The following CLCC1 variants were observed in gnomAD, a reference collection of about 807,000 sequenced individuals.
CLCC1 encodes chloride channel CLIC-like protein 1.
A neutral mutation model predicts 63.3 loss-of-function variants in CLCC1; 39 were observed. The observed-to-expected ratio is 0.62, with a 90% confidence interval of 0.48 to 0.81. CLCC1 has a LOEUF of 0.81. CLCC1 is among the 30% of genes least tolerant of loss of function. CLCC1 has a pLI of 0.00. For synonymous variants in CLCC1, 217 were observed against 239.8 expected (o/e 0.90, Z 0.88); for missense variants, 549 against 669.4 (o/e 0.82, Z 1.98).
intron 2 of CLCC1, among the ~76,000 whole-genome samples, chr1:108,951,941 A>C (rs1162647408): frequency 6.6e-6 from 1 of 151,246 alleles, no homozygotes; most frequent in Non-Finnish European, 1.5e-5. Context: ...TAATTTTTTA[A>C]AATTAATTAA....
In CLCC1 at chr1:108,955,312, A is replaced by C. The variant is rs1655744913; in HGVS notation, c.-11-4864T>G. On this transcript the variant is annotated intron_variant, in intron 2 of 12. Transcript: ENST00000369969. ...TAAGAAGATAAAGCAAGACAGTGGT[A>C]CATATGGATTAGGCGATGCTGGGTA... Among the ~76,000 whole-genome samples, 2 of 151,588 alleles carry C rather than the reference A, an allele frequency of 1.3e-5. 1 individual carries two copies. Among genetic ancestry groups the C allele is most frequent in the African/African-American group, 4.9e-5 (2 of 40,826 alleles).
intron 10 of CLCC1, 129 bp from the exon 11 acceptor site, chr1:108,937,547 A>G (rs568264564): frequency 1.2e-6 from 1 of 802,856 alleles, no homozygotes; most frequent in South Asian, 2.3e-5. Flanking sequence ...AGACATAAAC[A>G]TGTTAATTTG....
At chr1:108,954,036 G>A (rs969426775) in intron 2 of CLCC1, among the ~76,000 whole-genome samples, 6 of 145,320 alleles carry the variant, frequency 4.1e-5, no homozygotes, top group East Asian at 2.0e-4. Context: ...AAACACATCC[G>A]ACTGGAGAAA....
chr1:108,949,033 CT>C (rs1654878788), intron 4 of CLCC1, among the ~76,000 whole-genome samples: 1 of 152,216 alleles, frequency 6.6e-6, no homozygotes, highest in Non-Finnish European at 1.5e-5. Context: ...CTCATTCACT[CT>C]AGCTCTTCCC....
chr1:108,934,655 T>C lies in CLCC1; in HGVS notation c.*15A>G. ...TCGAAGGAGACTTGAGGCTGTCGTT[T>C]GTGCTGGTGTTCCTCTAGCCACAGG... On this transcript the variant is annotated 3_prime_UTR_variant, in exon 12 of 13. Coordinates refer to ENST00000369969, the MANE Select transcript of CLCC1 (RefSeq NM_001377458.1). 6.2e-7 allele frequency: 1 copy of C among 1,607,228 alleles called. No homozygotes were observed. The highest frequency in any genetic ancestry group is 8.5e-7 in the Non-Finnish European group (1 of 1,176,024).
chr1:108,950,402 CA>C lies in CLCC1; in HGVS notation c.35del (p.Leu12CysfsTer3), dbSNP rs756116512. 4.1e-5 allele frequency: 66 copies of C among 1,610,852 alleles called. No individual in the cohort carries two copies. The highest frequency in any genetic ancestry group is 4.4e-5 in the Non-Finnish European group (52 of 1,178,126). On this transcript the variant is annotated frameshift_variant, in exon 3 of 13. Coordinates refer to ENST00000369969, the MANE Select transcript of CLCC1 (RefSeq NM_001377458.1). LOFTEE classifies it high-confidence loss of function. ...LCSLLLCECL[L>X]LVAGYAHDDD... ...CATCATGAGCATAACCAGCTACCAG[CA>C]ACAGACATTCACAAAGGAGCAAAGA...
chr1:108,936,189 A>G (rs1652963441), intron 11 of CLCC1, among the ~76,000 whole-genome samples: 1 of 150,302 alleles, frequency 6.7e-6, no homozygotes, highest in African/African-American at 2.5e-5. Flanking sequence ...GCCCCCTGGA[A>G]TCAAGCAATT....
chr1:108,940,019 T>G, intron 9 of CLCC1, 26 bp downstream of exon 9: 1 of 1,531,228 alleles, frequency 6.5e-7, no homozygotes, highest in Non-Finnish European at 8.9e-7. Context: ...TGACTTTAAG[T>G]AATTTTTACA....
At chr1:108,934,046 C>G (rs1350958136) in intron 12 of CLCC1, 3 of 152,220 alleles carry the variant, frequency 2.0e-5, no homozygotes, top group African/African-American at 7.2e-5. Flanking sequence ...ATATAACAAG[C>G]TATGTTATCT....
At chr1:108,955,307 G>A (rs891992796) in intron 2 of CLCC1, among the ~76,000 whole-genome samples, 7 of 151,560 alleles carry the variant, frequency 4.6e-5, no homozygotes, top group Non-Finnish European at 1.5e-5. Context: ...AAGCAAGACA[G>A]TGGTACATAT....
chr1:108,952,755 G>A (rs1458718438), intron 2 of CLCC1, among the ~76,000 whole-genome samples: 3 of 151,090 alleles, frequency 2.0e-5, no homozygotes, highest in East Asian at 2.0e-4. Context: ...AGCTGAGATC[G>A]CGCCACTGCA....
intron 7 of CLCC1, among the ~76,000 whole-genome samples, chr1:108,942,184 G>C (rs1653942444): frequency 6.6e-6 from 1 of 152,162 alleles, no homozygotes; most frequent in Admixed American, 6.6e-5. Flanking sequence ...GTTGCATTGA[G>C]CCGAGATTTC....
At chr1:108,949,433 T>A (rs1654922495) in intron 4 of CLCC1, among the ~76,000 whole-genome samples, 1 of 152,226 alleles carries the variant, frequency 6.6e-6, no homozygotes, top group Non-Finnish European at 1.5e-5. Flanking sequence ...TAAGAGTAAC[T>A]CTTATTCGTA....
At chr1:108,954,935 A>C (rs1655687707) in intron 2 of CLCC1, among the ~76,000 whole-genome samples, 1 of 150,592 alleles carries the variant, frequency 6.6e-6, no homozygotes, top group Admixed American at 6.6e-5. Context: ...TGGGTTCAAA[A>C]ATTCTCCTGC....
chr1:108,935,075 G>A (rs1019736362), intron 11 of CLCC1, 133 bp from the exon 12 acceptor site: 5 of 814,366 alleles, frequency 6.1e-6, no homozygotes, highest in African/African-American at 5.2e-5. Context: ...GTCCAGTGCT[G>A]GGTTATAATT....
intron 11 of CLCC1, among the ~76,000 whole-genome samples, chr1:108,936,846 G>A (rs916751468): frequency 6.6e-6 from 1 of 152,168 alleles, no homozygotes; most frequent in African/African-American, 2.4e-5. Flanking sequence ...ATTACCATCT[G>A]CTCTAACAAA....
Position 108,961,460 on chromosome 1 carries a change from G to A in CLCC1, c.-12+849C>T, listed in dbSNP as rs377506473. Among the ~76,000 whole-genome samples, 135 of 152,266 alleles carry A rather than the reference G, an allele frequency of 8.9e-4. 1 individual carries two copies. The South Asian group carries it at 0.024, about 27-fold the overall frequency. ...TGGCACCTATGTCATTCTAGTACTT[G>A]TCAGGGGACACTACTCTTTCTCTCT... is the stretch of plus-strand genomic sequence containing the variant. On this transcript the variant is annotated intron_variant, in intron 2 of 12. Coordinates refer to ENST00000369969, the MANE Select transcript of CLCC1 (RefSeq NM_001377458.1).
intron 2 of CLCC1, among the ~76,000 whole-genome samples, chr1:108,956,882 A>AGGCTGGGAGGCT (rs756017179): frequency 1.6e-4 from 17 of 104,468 alleles, no homozygotes; most frequent in Admixed American, 2.0e-4. Flanking sequence ...GCTGGGAGGC[A>AGGCTGGGAGGCT]GGGAGGCGGG....
At chr1:108,938,213 G>A (rs1244407428) in intron 10 of CLCC1, among the ~76,000 whole-genome samples, 2 of 152,138 alleles carry the variant, frequency 1.3e-5, no homozygotes, top group African/African-American at 4.8e-5. Flanking sequence ...ACTGCAAAGA[G>A]GTCCTGAGAA....
Sources: allele counts gnomAD v4.1 joint callset (sites outside exome capture counted in the v4.1 genomes callset), GRCh38; gene constraint gnomAD v4.1.1; transcripts MANE v1.5; gene names NCBI Gene and HGNC (gene_info 2026-07-23, HGNC 2026-07-21).